PPP4R1: variants seen among roughly 807,000 people sequenced by gnomAD.
PPP4R1 encodes the protein protein phosphatase 4 regulatory subunit 1, also known as serine/threonine-protein phosphatase 4 regulatory subunit 1.
Under a neutral mutation model 111.2 loss-of-function variants are expected in PPP4R1, and 42 were observed. The observed-to-expected ratio is 0.38, with a 90% CI of 0.29 to 0.49. The LOEUF is 0.49. Among genes scored for constraint, PPP4R1 ranks in the 20% least tolerant of loss-of-function variants. The pLI is 0.97. For synonymous variants in PPP4R1, 409 were observed against 405.5 expected, an observed-to-expected ratio of 1.01 and a Z score of -0.10; for missense variants, 1,012 against 1,161.6, an observed-to-expected ratio of 0.87 and a Z score of 1.87.
chr18:9,592,245 T>C (rs1038279292), intron 4 of PPP4R1, among the ~76,000 whole-genome samples: 12 of 152,204 alleles, frequency 7.9e-5, no homozygotes, highest in South Asian at 2.1e-4. Flanking sequence ...CCTAACTTAC[T>C]TAACAGCCTA....
intron 11 of PPP4R1, 83 bp from the exon 12 acceptor site, chr18:9,563,633 G>T: frequency 8.1e-7 from 1 of 1,231,578 alleles, no homozygotes; most frequent in Non-Finnish European, 1.1e-6. Flanking sequence ...TGCACTGTAC[G>T]TTATCAATGA....
At chr18:9,562,139 T>C in intron 12 of PPP4R1, 64 bp from the exon 13 acceptor site, 3 of 1,235,048 alleles carry the variant, frequency 2.4e-6, no homozygotes, top group Non-Finnish European at 2.4e-6. Flanking sequence ...TAAGCTATCT[T>C]ACTAAGTTAC....
chr18:9,586,267 C>T (rs1407744006), intron 6 of PPP4R1, among the ~76,000 whole-genome samples: 1 of 151,888 alleles, frequency 6.6e-6, no homozygotes, highest in African/African-American at 2.4e-5. Flanking sequence ...CCTACTAGCA[C>T]TGGATATAGT....
intron 6 of PPP4R1, among the ~76,000 whole-genome samples, chr18:9,585,295 C>T (rs1327752266): frequency 6.6e-6 from 1 of 152,196 alleles, no homozygotes; most frequent in Non-Finnish European, 1.5e-5. Context: ...CCTCGCCTTG[C>T]AAAGCACCCT....
chr18:9,604,291 ATCC>A (rs1203356696), intron 2 of PPP4R1, among the ~76,000 whole-genome samples: 2 of 152,100 alleles, frequency 1.3e-5, no homozygotes, highest in Non-Finnish European at 2.9e-5. Context: ...CCTCATTCGA[ATCC>A]AGTTTATATA....
intron 2 of PPP4R1, among the ~76,000 whole-genome samples, chr18:9,610,240 T>A (rs2067554166): frequency 6.6e-6 from 1 of 152,226 alleles, no homozygotes; most frequent in Admixed American, 6.5e-5. Flanking sequence ...GAAATAATTT[T>A]TTCTAAACAT....
chr18:9,585,379 A>G (rs2067099179), intron 6 of PPP4R1, among the ~76,000 whole-genome samples: 1 of 152,200 alleles, frequency 6.6e-6, no homozygotes, highest in African/African-American at 2.4e-5. Flanking sequence ...AAGCATGAAC[A>G]CAGTTCTGAT....
At chr18:9,617,014 TTC>T (rs2067694037), upstream of PPP4R1, 1 of 152,218 alleles carries the variant, frequency 6.6e-6, no homozygotes, top group Non-Finnish European at 1.5e-5. Flanking sequence ...TTTCTCTCCT[TTC>T]TAAAAGAAAG....
chr18:9,570,544 C>T lies in PPP4R1; in HGVS notation c.1186G>A (p.Gly396Ser), dbSNP rs1286723200. 2 of 1,614,150 alleles carry T rather than the reference C, an allele frequency of 1.2e-6. No homozygotes were observed. Among genetic ancestry groups the T allele is most frequent in the East Asian group, 2.2e-5 (1 of 44,890 alleles). The change falls in exon 11 of 20, where the codon GGT becomes AGT. Residue 396 changes from glycine to serine, a missense_variant. Gly to Ser is a moderately conservative substitution (Grantham distance 56). Coordinates refer to ENST00000400556, the MANE Select transcript of PPP4R1 (RefSeq NM_001042388.3). ...CTGTCCAGTGGAACACTAATTTCAC[C>T]TAGAGGCTTCCCGGATGCCTCAGCA... ...HAAEASGKPLGEISVPLDSSL... is the reference protein window; with the variant it reads ...HAAEASGKPLSEISVPLDSSL...
At chr18:9,604,376 T>C (rs1462023544) in intron 2 of PPP4R1, among the ~76,000 whole-genome samples, 1 of 152,026 alleles carries the variant, frequency 6.6e-6, no homozygotes, top group Non-Finnish European at 1.5e-5. Context: ...ATCCCTACCA[T>C]TCCACCCCCT....
At chr18:9,602,146 C>T (rs982633393) in intron 2 of PPP4R1, among the ~76,000 whole-genome samples, 1 of 152,042 alleles carries the variant, frequency 6.6e-6, no homozygotes, top group Non-Finnish European at 1.5e-5. Context: ...CTTGCAGTTC[C>T]CTGAATCTAA....
intron 6 of PPP4R1, among the ~76,000 whole-genome samples, chr18:9,586,681 T>C (rs376117197): frequency 6.6e-6 from 1 of 152,194 alleles, no homozygotes; most frequent in East Asian, 1.9e-4. Flanking sequence ...CTAAATATAG[T>C]GTGATTATTA....
intron 2 of PPP4R1, among the ~76,000 whole-genome samples, chr18:9,595,407 C>G (rs2067275214): frequency 6.6e-6 from 1 of 152,160 alleles, no homozygotes; most frequent in African/African-American, 2.4e-5. Context: ...GCTACAGAAA[C>G]TCAGTATGCA....
chr18:9,580,009 A>C (rs2067000518), intron 9 of PPP4R1, among the ~76,000 whole-genome samples: 1 of 152,194 alleles, frequency 6.6e-6, no homozygotes. Context: ...ACAACGACCA[A>C]ATACATAGCT....
chr18:9,614,196 G>A lies in PPP4R1; in HGVS notation c.52+30C>T, dbSNP rs1260854088. 7.4e-7 allele frequency: 1 copy of A among 1,343,300 alleles called. No homozygotes were observed. Among genetic ancestry groups the A allele is most frequent in the Non-Finnish European group, 9.7e-7 (1 of 1,034,520 alleles). 83.2% of individuals were successfully genotyped at this position (1,343,300 alleles called of 1,614,324 possible). ...CCTCCCCGGCCGCTCCCCGCGGACT[G>A]CCAGGCCACCGCGAGGCCGGGCCAC... On this transcript the variant is annotated intron_variant, in intron 2 of 19. Transcript: ENST00000400556. The surrounding 1 kb of genome is among the most constrained non-coding windows in gnomAD (Gnocchi z 4.1).
intron 14 of PPP4R1, among the ~76,000 whole-genome samples, chr18:9,557,898 T>C (rs887474310): frequency 9.9e-5 from 15 of 152,240 alleles, no homozygotes; most frequent in African/African-American, 3.6e-4. Flanking sequence ...CTCCCCGGTT[T>C]ACTGTTCCCC....
intron 6 of PPP4R1, chr18:9,587,581 T>C (rs1265551514): frequency 6.6e-6 from 1 of 152,160 alleles, no homozygotes; most frequent in Admixed American, 6.5e-5. Flanking sequence ...TTTTTTTGTA[T>C]TTTTAGTAGA....
At chr18:9,557,741 T>G (rs1476017409) in intron 14 of PPP4R1, among the ~76,000 whole-genome samples, 1 of 152,134 alleles carries the variant, frequency 6.6e-6, no homozygotes, top group Admixed American at 6.5e-5. Context: ...ACTAAGCACA[T>G]GCTAGAACAT....
In PPP4R1 at chr18:9,547,622, C is replaced by T; in HGVS notation, c.*167G>A. The T allele has an allele frequency of 1.5e-6, 1 of 678,054 alleles. No individual in the cohort carries two copies. Among genetic ancestry groups the T allele is most frequent in the Non-Finnish European group, 2.5e-6 (1 of 401,630 alleles). 42.0% of individuals were successfully genotyped at this position (678,054 alleles called of 1,614,324 possible). A position where few individuals can be genotyped will look rare whatever the true frequency, so the allele number is the denominator to read the frequency against. The stretch of plus-strand genomic sequence containing the variant: ...TAGTGTTTACTGTACTTTCTCTTGA[C>T]TCTTGAAATCCCTGGTATTGGGTGT... On this transcript the variant is annotated 3_prime_UTR_variant, in exon 20 of 20. Coordinates refer to ENST00000400556, the MANE Select transcript of PPP4R1 (RefSeq NM_001042388.3).
Sources: gnomAD v4.1 joint callset for allele counts (sites outside exome capture counted in the v4.1 genomes callset) on GRCh38, gnomAD v4.1.1 for gene constraint, Gnocchi (gnomAD v3.1) non-coding constraint, MANE v1.5 for transcripts, NCBI Gene and HGNC (gene_info 2026-07-23, HGNC 2026-07-21) for gene names.